The following GOLM2 variants were observed in gnomAD, a reference collection of about 807,000 sequenced individuals.
GOLM2 encodes golgi membrane protein 2.
A neutral mutation model predicts 55.9 loss-of-function variants in GOLM2; 26 were observed. That is an observed-to-expected ratio of 0.47 (90% CI 0.34 to 0.65). GOLM2 has a LOEUF of 0.65. Among genes scored for constraint, GOLM2 ranks in the 30% least tolerant of loss-of-function variants. The pLI is 0.01. For synonymous variants in GOLM2, 165 were observed against 194.6 expected, an observed-to-expected ratio of 0.85 and a Z score of 1.27; for missense variants, 486 against 531.8, an observed-to-expected ratio of 0.91 and a Z score of 0.85.
intron 4 of GOLM2, among the ~76,000 whole-genome samples, chr15:44,332,838 TC>T (rs2079031354): frequency 6.6e-6 from 1 of 152,128 alleles, no homozygotes; most frequent in South Asian, 2.1e-4. Context: ...GGGGGCAAAT[TC>T]TTTTATTAAT....
intron 6 of GOLM2, among the ~76,000 whole-genome samples, chr15:44,377,063 C>G (rs1282816882): frequency 6.6e-6 from 1 of 152,130 alleles, no homozygotes; most frequent in East Asian, 1.9e-4. Context: ...TAAGTTGTTA[C>G]AGTTTATGGG....
chr15:44,311,617 A>G (rs2078875739), intron 1 of GOLM2, among the ~76,000 whole-genome samples: 1 of 152,024 alleles, frequency 6.6e-6, no homozygotes, highest in African/African-American at 2.4e-5. Flanking sequence ...TTGATTATTA[A>G]TTCATTCTAA....
intron 8 of GOLM2, among the ~76,000 whole-genome samples, chr15:44,389,046 T>C (rs991043849): frequency 6.6e-6 from 1 of 152,004 alleles, no homozygotes; most frequent in Non-Finnish European, 1.5e-5. Flanking sequence ...CTTGATCTCC[T>C]GACCTCGTGA....
intron 6 of GOLM2, among the ~76,000 whole-genome samples, chr15:44,343,280 C>T (rs373784010): frequency 5.5e-5 from 8 of 146,238 alleles, no homozygotes; most frequent in East Asian, 4.0e-4. Context: ...TTGCAGTGAG[C>T]GAAGATCATG....
At position 44,407,614 on chromosome 15, in the gene GOLM2, T is replaced by A. The variant is rs561510220; in HGVS notation, c.1240+4560T>A. Among the ~76,000 whole-genome samples, 912 of 151,908 alleles carry A rather than the reference T, an allele frequency of 6.0e-3. 7 individuals carry two copies. Among genetic ancestry groups the A allele is most frequent in the African/African-American group, 0.019 (768 of 41,464 alleles). Reference sequence around the variant, plus strand: ...TTGCCCCGAATTCTTGCTTTTTTTTTAAATTTTTTTTATTTTCTAAGATGG... The same window carrying A: ...TTGCCCCGAATTCTTGCTTTTTTTTAAAATTTTTTTTATTTTCTAAGATGG... On this transcript the variant is annotated intron_variant, in intron 9 of 9. Coordinates refer to ENST00000299957, the MANE Select transcript of GOLM2 (RefSeq NM_138423.4).
At chr15:44,357,073 G>C (rs1268547736) in intron 6 of GOLM2, among the ~76,000 whole-genome samples, 3 of 152,068 alleles carry the variant, frequency 2.0e-5, no homozygotes, top group Non-Finnish European at 4.4e-5. Context: ...TCAGGAGGTT[G>C]AGATGGGAGG....
At chr15:44,342,893 CTCTTA>C (rs1439320156) in intron 6 of GOLM2, among the ~76,000 whole-genome samples, 1 of 152,194 alleles carries the variant, frequency 6.6e-6, no homozygotes, top group Non-Finnish European at 1.5e-5. Flanking sequence ...AAACCTTTGG[CTCTTA>C]TCTTTTAACA....
chr15:44,348,197 G>A (rs566036466), intron 6 of GOLM2, among the ~76,000 whole-genome samples: 2 of 152,318 alleles, frequency 1.3e-5, no homozygotes, highest in East Asian at 1.9e-4. Context: ...GTCTTGCAGT[G>A]TAGATTTGAA....
intron 6 of GOLM2, among the ~76,000 whole-genome samples, chr15:44,364,338 A>G (rs1215516100): frequency 6.6e-6 from 1 of 151,466 alleles, no homozygotes; most frequent in Non-Finnish European, 1.5e-5. Context: ...AGCCTGGGCA[A>G]TATGACAAAA....
chr15:44,358,380 A>G (rs559210416), intron 6 of GOLM2, among the ~76,000 whole-genome samples: 4 of 152,332 alleles, frequency 2.6e-5, no homozygotes, highest in African/African-American at 9.6e-5. Context: ...TAAAGTTTAT[A>G]TAGAGAAGCA....
At chr15:44,350,306 G>A (rs2079153095) in intron 6 of GOLM2, among the ~76,000 whole-genome samples, 1 of 152,138 alleles carries the variant, frequency 6.6e-6, no homozygotes, top group Non-Finnish European at 1.5e-5. Context: ...AATAGATACT[G>A]CAGAAATTCA....
chr15:44,391,391 C>A (rs1293209548), intron 8 of GOLM2, among the ~76,000 whole-genome samples: 1 of 151,888 alleles, frequency 6.6e-6, no homozygotes, highest in African/African-American at 2.4e-5. Context: ...GTGGCGGGCG[C>A]CTGTAGTCCC....
intron 9 of GOLM2, chr15:44,409,914 T>TAAAAAATAAAAA (rs2079626073): frequency 7.9e-6 from 1 of 127,000 alleles, no homozygotes. Context: ...AGACTTCGTC[T>TAAAAAATAAAAA]AAAAAAAAAA....
chr15:44,402,139 C>G (rs58956090), intron 8 of GOLM2, among the ~76,000 whole-genome samples: 14,611 of 147,284 alleles, frequency 0.099, 1,483 homozygotes, highest in African/African-American at 0.25. Context: ...CTGTCTTCTT[C>G]ATTTCTAATG....
At chr15:44,354,098 A>T (rs2079181896) in intron 6 of GOLM2, among the ~76,000 whole-genome samples, 1 of 152,134 alleles carries the variant, frequency 6.6e-6, no homozygotes, top group African/African-American at 2.4e-5. Context: ...TAAGTAATGC[A>T]TTTCCTCAAA....
At chr15:44,380,475 T>C (rs2079394081) in intron 7 of GOLM2, among the ~76,000 whole-genome samples, 1 of 152,090 alleles carries the variant, frequency 6.6e-6, no homozygotes. Context: ...GATAGTGATA[T>C]GGAATTTGGA....
intron 9 of GOLM2, among the ~76,000 whole-genome samples, chr15:44,405,978 A>T (rs1195677034): frequency 6.6e-6 from 1 of 152,154 alleles, no homozygotes; most frequent in Non-Finnish European, 1.5e-5. Context: ...AGAGGTAATT[A>T]TGGCTGTTCC....
At chr15:44,332,818 T>A (rs201262441) in intron 4 of GOLM2, among the ~76,000 whole-genome samples, 1 of 152,100 alleles carries the variant, frequency 6.6e-6, no homozygotes, top group African/African-American at 2.4e-5. Context: ...TGATTCATAC[T>A]TTTTTTGGGG....
intron 6 of GOLM2, among the ~76,000 whole-genome samples, chr15:44,350,407 A>G (rs2079153686): frequency 6.6e-6 from 1 of 152,218 alleles, no homozygotes; most frequent in Non-Finnish European, 1.5e-5. Context: ...CATACAGTCT[A>G]CTAAGATAGA....
Sources: allele counts gnomAD v4.1 joint callset (sites outside exome capture counted in the v4.1 genomes callset), GRCh38; gene constraint gnomAD v4.1.1; transcripts MANE v1.5; gene names NCBI Gene and HGNC (gene_info 2026-07-23, HGNC 2026-07-21).